SLC39A14: variants seen among roughly 807,000 people sequenced by gnomAD.
SLC39A14 encodes solute carrier family 39 member 14.
Under a neutral mutation model 45.5 loss-of-function variants are expected in SLC39A14, and 19 were observed. The observed-to-expected ratio is 0.42, with a 90% CI of 0.29 to 0.61. The LOEUF is 0.61. Ranked by LOEUF, SLC39A14 falls within the 20% of genes least tolerant of loss-of-function variation. SLC39A14 has a pLI of 0.22. For missense variants in SLC39A14, 447 were observed against 616.5 expected (o/e 0.73, Z 2.91); for synonymous variants, 264 against 251.3 (o/e 1.05, Z -0.48).
chr8:22,377,601 A>G (rs1833285774), intron 1 of SLC39A14, among the ~76,000 whole-genome samples: 1 of 152,200 alleles, frequency 6.6e-6, no homozygotes, highest in African/African-American at 2.4e-5. Flanking sequence ...GTTTTATTTT[A>G]GTCTTTCCCT....
intron 3 of SLC39A14, among the ~76,000 whole-genome samples, chr8:22,408,973 G>A (rs989846999): frequency 3.3e-5 from 5 of 151,246 alleles, no homozygotes; most frequent in African/African-American, 4.9e-5. Flanking sequence ...GGCGTGCACC[G>A]CCATGCCCAG....
intron 5 of SLC39A14, 45 bp downstream of exon 5, chr8:22,414,947 C>A (rs762951662): frequency 1.2e-6 from 2 of 1,600,236 alleles, no homozygotes; most frequent in Non-Finnish European, 1.7e-6. Context: ...AGGGAAAACA[C>A]CCATCTCAAA....
At chr8:22,375,765 G>C (rs1833184280) in intron 1 of SLC39A14, among the ~76,000 whole-genome samples, 1 of 152,194 alleles carries the variant, frequency 6.6e-6, no homozygotes, top group African/African-American at 2.4e-5. Flanking sequence ...TGGGATTACA[G>C]GCATGAGCCA....
intron 3 of SLC39A14, chr8:22,410,212 G>A (rs550077324): frequency 8.0e-7 from 1 of 1,249,328 alleles, no homozygotes; most frequent in Non-Finnish European, 1.2e-6. Context: ...GGCACCCAAT[G>A]ACTGCCACCT....
chr8:22,371,074 T>A (rs1224275790), intron 1 of SLC39A14, among the ~76,000 whole-genome samples: 1 of 152,146 alleles, frequency 6.6e-6, no homozygotes, highest in Non-Finnish European at 1.5e-5. Context: ...TGGTTGGGCC[T>A]GGCAGAGGCA....
chr8:22,394,864 A>G (rs1207418777), intron 1 of SLC39A14, among the ~76,000 whole-genome samples: 1 of 152,136 alleles, frequency 6.6e-6, no homozygotes, highest in Non-Finnish European at 1.5e-5. Context: ...TTCTCGGCTC[A>G]TAGTTTCTTT....
intron 5 of SLC39A14, 170 bp downstream of exon 5, chr8:22,415,072 C>G: frequency 1.3e-6 from 1 of 798,598 alleles, no homozygotes; most frequent in South Asian, 1.9e-5. Context: ...GGATATTTGG[C>G]CAGAAGTGAG....
downstream of SLC39A14, among the ~76,000 whole-genome samples, chr8:22,423,151 CT>C (rs762287838): frequency 3.3e-5 from 5 of 150,462 alleles, no homozygotes; most frequent in African/African-American, 7.3e-5. Context: ...ACTCTCTTCT[CT>C]TTTCTTTCTT....
intron 3 of SLC39A14, 52 bp downstream of exon 3, chr8:22,408,548 A>C: frequency 7.8e-6 from 12 of 1,531,124 alleles, no homozygotes; most frequent in Non-Finnish European, 9.7e-6. Context: ...CCCGCGTCTC[A>C]CAAGGACCCC....
chr8:22,383,870 A>G (rs1452785589), intron 1 of SLC39A14, among the ~76,000 whole-genome samples: 1 of 152,166 alleles, frequency 6.6e-6, no homozygotes, highest in Non-Finnish European at 1.5e-5. Context: ...AATTCTCAGG[A>G]TACCAGGTCC....
rs1240033958 is a variant in SLC39A14 at position 22,422,062 on chromosome 8, G to T, written c.*2364G>T. ...AGCTTTGCCTCATGAGTCAAAAATTGGCAATTTCTTTTGATTTTTAGTTGT... is the reference window on the plus strand; with the variant it reads ...AGCTTTGCCTCATGAGTCAAAAATTTGCAATTTCTTTTGATTTTTAGTTGT... On this transcript the variant is annotated 3_prime_UTR_variant, in exon 9 of 9. Coordinates refer to ENST00000381237, the MANE Select transcript of SLC39A14 (RefSeq NM_001128431.4). 2.0e-6 allele frequency: 2 copies of T among 985,232 alleles called. No individual in the cohort carries two copies. Among genetic ancestry groups the T allele is most frequent in the Non-Finnish European group, 2.4e-6 (2 of 829,922 alleles). 61.0% of individuals were successfully genotyped at this position (985,232 alleles called of 1,614,324 possible).
At chr8:22,393,304 A>C (rs571202313) in intron 1 of SLC39A14, 40 of 918,248 alleles carry the variant, frequency 4.4e-5, no homozygotes, top group Admixed American at 6.2e-5. Context: ...GCCCCGGGGC[A>C]GGGCCAAGCG....
At chr8:22,432,368 A>C (rs1836479037) in intron 8 of SLC39A14, among the ~76,000 whole-genome samples, 1 of 146,554 alleles carries the variant, frequency 6.8e-6, no homozygotes, top group African/African-American at 2.5e-5. Context: ...GTGAAGATAA[A>C]GAAAAGTGCT....
Position 22,369,960 on chromosome 8 carries a change from C to T in SLC39A14, c.-16+2552C>T, listed in dbSNP as rs970351011. On this transcript the variant is annotated intron_variant, in intron 1 of 8. Transcript: ENST00000381237. Reference sequence around the variant, plus strand: ...AATTTCCCTGCCCTTCTGGGAAGGCCGCTTTTCTGTGGCCTGCCAGGGATT... The same window carrying T: ...AATTTCCCTGCCCTTCTGGGAAGGCTGCTTTTCTGTGGCCTGCCAGGGATT... 3.9e-5 allele frequency among the ~76,000 whole-genome samples: 6 copies of T among 152,116 alleles called. No individual in the cohort carries two copies. In the East Asian group the frequency reaches 5.8e-4, roughly 15 times the overall value.
chr8:22,432,709 A>G (rs1836486232), intron 8 of SLC39A14, among the ~76,000 whole-genome samples: 1 of 141,988 alleles, frequency 7.0e-6, no homozygotes. Context: ...GTGCAATGGC[A>G]TGATCTCAGC....
chr8:22,369,150 G>T (rs1410601042), intron 1 of SLC39A14, among the ~76,000 whole-genome samples: 1 of 152,206 alleles, frequency 6.6e-6, no homozygotes, highest in Non-Finnish European at 1.5e-5. Flanking sequence ...TTGCAGGTAA[G>T]ACTAGAGGGC....
Position 22,390,024 on chromosome 8 carries a change from TTCCAGGAAGCGG to T in SLC39A14, c.-15-14669_-15-14658del, listed in dbSNP as rs1466767812. ...TTTTCTGGTCATTTTCCTGCACGCG[TTCCAGGAAGCGG>T]TCTTGGCTCTTAGAGCGCTCACTGT... is the stretch of plus-strand genomic sequence containing the variant. On this transcript the variant is annotated intron_variant, in intron 1 of 8. Transcript: ENST00000381237. 3 of 157,022 alleles carry T rather than the reference TTCCAGGAAGCGG, an allele frequency of 1.9e-5. No individual in the cohort carries two copies. The East Asian group carries it at 5.6e-4, about 30-fold the overall frequency. 9.7% of individuals were successfully genotyped at this position (157,022 alleles called of 1,614,324 possible). A position where few individuals can be genotyped will look rare whatever the true frequency, so the allele number is the denominator to read the frequency against.
intron 4 of SLC39A14, among the ~76,000 whole-genome samples, chr8:22,413,094 T>C (rs554757313): frequency 6.6e-6 from 1 of 152,292 alleles, no homozygotes; most frequent in Non-Finnish European, 1.5e-5. Context: ...ATGAGAAAAC[T>C]TGCCACAAAA....
intron 4 of SLC39A14, among the ~76,000 whole-genome samples, chr8:22,414,249 A>G (rs1388679101): frequency 1.3e-5 from 2 of 152,172 alleles, no homozygotes. Context: ...AACACAGTCC[A>G]CTTTCTTGGT....
Sources: allele counts gnomAD v4.1 joint callset (sites outside exome capture counted in the v4.1 genomes callset), GRCh38; gene constraint gnomAD v4.1.1; transcripts MANE v1.5; gene names NCBI Gene and HGNC (gene_info 2026-07-23, HGNC 2026-07-21).